ICA1L: variants seen among roughly 807,000 people sequenced by gnomAD.
ICA1L encodes islet cell autoantigen 1-like protein.
A neutral mutation model predicts 61.3 loss-of-function variants in ICA1L; 50 were observed. That is an observed-to-expected ratio of 0.82 (90% CI 0.65 to 1.03). The LOEUF (loss-of-function observed/expected upper bound fraction) is 1.03. Among genes scored for constraint, ICA1L ranks in the 50% least tolerant of loss-of-function variants. The probability of loss-of-function intolerance (pLI) is 0.00; values close to 1 mark genes in which losing one functional copy is unlikely to be tolerated. For missense variants in ICA1L, 508 were observed against 556.7 expected (o/e 0.91, Z 0.88); for synonymous variants, 161 against 191.3 (o/e 0.84, Z 1.31).
intron 1 of ICA1L, among the ~76,000 whole-genome samples, chr2:202,868,522 T>G (rs1687590402): frequency 6.6e-6 from 1 of 152,216 alleles, no homozygotes; most frequent in Non-Finnish European, 1.5e-5. Flanking sequence ...GAGCAAACAG[T>G]GCAAGACACA....
rs371288108 is a variant in ICA1L at position 202,819,719 on chromosome 2, T to C, written c.540A>G (p.Gln180=). ...SQELDPDTLK[Q]MEKFRKVQMQ... is the part of the protein sequence containing the mutation. The stretch of plus-strand genomic sequence containing the variant: ...TTCATACTTTTCTAAACTTTTCCAT[T>C]TGCTTTAAGGTGTCTGGGTCCAGCT... The change falls in exon 5 of 13, where the codon CAA becomes CAG. Residue 180 remains glutamine, a synonymous_variant. Transcript: ENST00000358299. The C allele has an allele frequency of 1.2e-5, 20 of 1,613,794 alleles. No homozygotes were observed. The highest frequency in any genetic ancestry group is 1.7e-5 in the Admixed American group (1 of 59,994).
Position 202,859,459 on chromosome 2 carries a change from T to C in ICA1L, c.-8+12160A>G, listed in dbSNP as rs545929990. ...TGACAGTCAGTTTCATATGCACATT[T>C]AATGCCAGCTTTGTTCTGGGTGCTA... On this transcript the variant is annotated intron_variant, in intron 1 of 12. Transcript: ENST00000358299. 5.9e-5 allele frequency among the ~76,000 whole-genome samples: 9 copies of C among 152,368 alleles called. No homozygotes were observed. In the South Asian group the frequency reaches 1.9e-3, roughly 32 times the overall value.
chr2:202,816,918 A>G (rs892736798), intron 6 of ICA1L, among the ~76,000 whole-genome samples: 4 of 152,220 alleles, frequency 2.6e-5, no homozygotes, highest in African/African-American at 9.6e-5. Flanking sequence ...TGGGATGGCA[A>G]CTTGACAGAA....
chr2:202,805,056 C>A (rs543794320), intron 9 of ICA1L, among the ~76,000 whole-genome samples: 1 of 152,232 alleles, frequency 6.6e-6, no homozygotes, highest in East Asian at 1.9e-4. Context: ...CTGATACAAG[C>A]CCCATCATGG....
chr2:202,787,529 T>C (rs906340541), intron 11 of ICA1L, among the ~76,000 whole-genome samples: 3 of 152,234 alleles, frequency 2.0e-5, no homozygotes, highest in Non-Finnish European at 2.9e-5. Context: ...ATATTGTCTA[T>C]TCTTTCTTTT....
chr2:202,817,395 A>G, intron 6 of ICA1L, 23 bp downstream of exon 6: 2 of 1,552,314 alleles, frequency 1.3e-6, no homozygotes, highest in Non-Finnish European at 8.7e-7. Context: ...CTGCAAGGAT[A>G]TGCTGACCAT....
chr2:202,868,935 T>C (rs957621123), intron 1 of ICA1L, among the ~76,000 whole-genome samples: 3 of 151,782 alleles, frequency 2.0e-5, no homozygotes, highest in African/African-American at 7.3e-5. Context: ...GCCACTGCAC[T>C]CCAGTCTGGG....
intron 12 of ICA1L, among the ~76,000 whole-genome samples, chr2:202,784,970 A>G (rs1692534113): frequency 6.6e-6 from 1 of 152,126 alleles, no homozygotes; most frequent in Non-Finnish European, 1.5e-5. Context: ...CTGTAATCCT[A>G]GCAGTTTGGG....
intron 9 of ICA1L, among the ~76,000 whole-genome samples, chr2:202,809,649 T>G (rs1383696483): frequency 7.0e-6 from 1 of 143,740 alleles, no homozygotes; most frequent in Admixed American, 7.0e-5. Context: ...AAACTCCATC[T>G]CAAAAAAAAA....
intron 4 of ICA1L, chr2:202,820,115 T>C: frequency 2.0e-6 from 1 of 509,682 alleles, no homozygotes; most frequent in Non-Finnish European, 3.5e-6. Flanking sequence ...GGCTGACGCT[T>C]GTAATCCTAG....
Position 202,855,303 on chromosome 2 carries a change from C to A in ICA1L, c.-8+16316G>T, listed in dbSNP as rs570772386. On this transcript the variant is annotated intron_variant, in intron 1 of 12. Coordinates refer to ENST00000358299, the MANE Select transcript of ICA1L (RefSeq NM_001288622.3). The stretch of plus-strand genomic sequence containing the variant: ...AGACAAGAAATAATTAAGATCAGAG[C>A]AGAACTGAAGGAGAGAGAGACATGA... 8.9e-4 allele frequency among the ~76,000 whole-genome samples: 136 copies of A among 152,038 alleles called. 3 individuals carry two copies. In the South Asian group the frequency reaches 0.027, roughly 30 times the overall value.
chr2:202,865,113 A>C (rs1223712253), intron 1 of ICA1L, among the ~76,000 whole-genome samples: 1 of 151,186 alleles, frequency 6.6e-6, no homozygotes, highest in African/African-American at 2.4e-5. Context: ...CAGTGAGCTG[A>C]GATCACACCA....
rs1692307966 is a variant in ICA1L at position 202,778,824 on chromosome 2, C to T, written c.*709G>A. ...GGGAAGATAGATTTTTCTGTTTCTG[C>T]AGAGGATGGGCTTAGCAAATTAATT... On this transcript the variant is annotated 3_prime_UTR_variant, in exon 13 of 13. Coordinates refer to ENST00000358299, the MANE Select transcript of ICA1L (RefSeq NM_001288622.3). 1 of 152,712 alleles carries T rather than the reference C, an allele frequency of 6.5e-6. No individual in the cohort carries two copies. Among genetic ancestry groups the T allele is most frequent in the African/African-American group, 2.4e-5 (1 of 41,570 alleles). The allele number at this position is 152,712 out of a possible 1,614,324, so 9.5% of individuals were successfully genotyped here.
chr2:202,802,671 G>T (rs1693114232), intron 9 of ICA1L, among the ~76,000 whole-genome samples: 1 of 151,952 alleles, frequency 6.6e-6, no homozygotes, highest in South Asian at 2.1e-4. Flanking sequence ...ACTAAAGGAG[G>T]TAGTCAAGGA....
intron 1 of ICA1L, among the ~76,000 whole-genome samples, chr2:202,851,900 A>G (rs1176456402): frequency 6.6e-6 from 1 of 151,880 alleles, no homozygotes; most frequent in African/African-American, 2.4e-5. Context: ...TAGATTCTGG[A>G]TATTAGCCCT....
intron 8 of ICA1L, among the ~76,000 whole-genome samples, chr2:202,812,448 G>A (rs1415175162): frequency 6.6e-6 from 1 of 152,062 alleles, no homozygotes; most frequent in Non-Finnish European, 1.5e-5. Context: ...ATGGTGGCAT[G>A]TGCCTGTAAT....
intron 1 of ICA1L, among the ~76,000 whole-genome samples, chr2:202,832,176 T>C (rs1694028969): frequency 6.6e-6 from 1 of 152,154 alleles, no homozygotes; most frequent in African/African-American, 2.4e-5. Flanking sequence ...AAATTCTTTT[T>C]CAGAGAAGCA....
intron 1 of ICA1L, among the ~76,000 whole-genome samples, chr2:202,836,726 A>G (rs1271327533): frequency 4.0e-5 from 6 of 151,446 alleles, no homozygotes; most frequent in Non-Finnish European, 7.4e-5. Context: ...TTTAGTCTTT[A>G]TAAGTTGGTA....
rs186980848 is a variant in ICA1L, at chr2:202,841,386, G to A, written c.-7-12370C>T. On this transcript the variant is annotated intron_variant, in intron 1 of 12. Transcript: ENST00000358299. ...GAACATGTTGTCCGTGTTGCTCTAA[G>A]CCATCTTCTGCTGCTGCAGGAGGGC... The A allele has an allele frequency of 1.3e-4, 127 of 1,006,170 alleles. No homozygotes were observed. The African/African-American group carries it at 1.9e-3, about 15-fold the overall frequency. 62.3% of individuals were successfully genotyped at this position (1,006,170 alleles called of 1,614,324 possible).
Sources: allele counts gnomAD v4.1 joint callset (sites outside exome capture counted in the v4.1 genomes callset), GRCh38; gene constraint gnomAD v4.1.1; transcripts MANE v1.5; gene names NCBI Gene and HGNC (gene_info 2026-07-23, HGNC 2026-07-21).